CTNNA3: variants seen among roughly 807,000 people sequenced by gnomAD.
The protein encoded by CTNNA3 is catenin alpha-3.
In CTNNA3, 76 loss-of-function variants were observed where a neutral mutation model predicts 95.7. The observed-to-expected ratio is 0.79, with a 90% CI of 0.66 to 0.96. CTNNA3 has a LOEUF of 0.96. Ranked by LOEUF, CTNNA3 falls within the 40% of genes least tolerant of loss-of-function variation. CTNNA3 has a pLI of 0.00. For synonymous variants in CTNNA3, 431 were observed against 374.4 expected, an observed-to-expected ratio of 1.15 and a Z score of -1.74; for missense variants, 1,191 against 1,089.8, an observed-to-expected ratio of 1.09 and a Z score of -1.31.
chr10:66,902,390 T>C (rs1845789318), intron 7 of CTNNA3, among the ~76,000 whole-genome samples: 1 of 152,084 alleles, frequency 6.6e-6, no homozygotes, highest in Non-Finnish European at 1.5e-5. Flanking sequence ...AGTATGTAGA[T>C]GGAAATTTAT....
intron 7 of CTNNA3, among the ~76,000 whole-genome samples, chr10:66,885,913 C>A (rs1845025488): frequency 6.6e-6 from 1 of 152,144 alleles, no homozygotes; most frequent in Admixed American, 6.6e-5. Context: ...CTCTGCCCAA[C>A]TGGATAACTG....
At chr10:66,332,947 T>C (rs1293649081) in intron 12 of CTNNA3, among the ~76,000 whole-genome samples, 1 of 152,122 alleles carries the variant, frequency 6.6e-6, no homozygotes, top group African/African-American at 2.4e-5. Context: ...CTTCCTGGTT[T>C]AGTCTTGGGA....
At chr10:66,122,925 C>G (rs1272564903) in intron 13 of CTNNA3, among the ~76,000 whole-genome samples, 2 of 152,150 alleles carry the variant, frequency 1.3e-5, no homozygotes, top group Non-Finnish European at 2.9e-5. Flanking sequence ...AGGTTCCTCC[C>G]ATGACATGTG....
intron 2 of CTNNA3, among the ~76,000 whole-genome samples, chr10:67,620,556 G>A (rs191953974): frequency 5.0e-4 from 74 of 148,176 alleles, no homozygotes; most frequent in Middle Eastern, 3.4e-3. Flanking sequence ...CCAATTCCCA[G>A]TAGGTAGGAG....
chr10:65,995,382 T>C (rs2133347602), intron 15 of CTNNA3, among the ~76,000 whole-genome samples: 1 of 152,320 alleles, frequency 6.6e-6, no homozygotes, highest in African/African-American at 2.4e-5. Flanking sequence ...GTGCATGCAG[T>C]AATGTAGCCT....
intron 11 of CTNNA3, among the ~76,000 whole-genome samples, chr10:66,493,599 ATTTT>A (rs528761424): frequency 1.8e-5 from 2 of 112,046 alleles, no homozygotes; most frequent in South Asian, 3.2e-4. Context: ...TAACTACAGT[ATTTT>A]TTTTTTTTTT....
chr10:66,058,363 G>T (rs939012349), intron 15 of CTNNA3, among the ~76,000 whole-genome samples: 1 of 152,108 alleles, frequency 6.6e-6, no homozygotes. Flanking sequence ...ATGCAAGCTT[G>T]TTTCCAGTGG....
At chr10:67,239,274 C>T (rs1334490265) in intron 5 of CTNNA3, among the ~76,000 whole-genome samples, 2 of 149,996 alleles carry the variant, frequency 1.3e-5, no homozygotes, top group African/African-American at 2.5e-5. Context: ...AAGACACAGG[C>T]AAAAATGTTC....
At chr10:66,873,433 A>T (rs1844491822) in intron 7 of CTNNA3, among the ~76,000 whole-genome samples, 1 of 150,438 alleles carries the variant, frequency 6.6e-6, no homozygotes, top group African/African-American at 2.5e-5. Context: ...ATGGTGTCTC[A>T]TTGTGGTTTT....
chr10:66,434,195 C>T (rs1488418013), intron 11 of CTNNA3, among the ~76,000 whole-genome samples: 1 of 151,960 alleles, frequency 6.6e-6, no homozygotes, highest in Non-Finnish European at 1.5e-5. Flanking sequence ...TCAATGGTTG[C>T]TTAATGGGAA....
chr10:66,227,899 C>T (rs79247779), intron 13 of CTNNA3, among the ~76,000 whole-genome samples: 3,717 of 152,068 alleles, frequency 0.024, 98 homozygotes, highest in African/African-American at 0.066. Context: ...GTTCAGTCTT[C>T]GAAGGTGGAT....
At chr10:67,217,652 A>G (rs564215542) in intron 6 of CTNNA3, among the ~76,000 whole-genome samples, 10 of 152,284 alleles carry the variant, frequency 6.6e-5, no homozygotes, top group Admixed American at 3.9e-4. Context: ...ACTTTCAACT[A>G]AAAAGAGAAA....
intron 5 of CTNNA3, among the ~76,000 whole-genome samples, chr10:67,299,103 T>C (rs1425614175): frequency 1.3e-5 from 2 of 152,126 alleles, no homozygotes; most frequent in Non-Finnish European, 2.9e-5. Context: ...TTCACCATGT[T>C]GGCCAGGATG....
At chr10:66,255,069 T>G (rs1427891469) in intron 13 of CTNNA3, among the ~76,000 whole-genome samples, 1 of 152,220 alleles carries the variant, frequency 6.6e-6, no homozygotes, top group Non-Finnish European at 1.5e-5. Context: ...AAATCAACTC[T>G]GCACAGACAC....
chr10:67,751,277 G>A (rs575873032), intron 1 of CTNNA3: 67 of 1,080,052 alleles, frequency 6.2e-5, no homozygotes, highest in East Asian at 1.0e-4. Context: ...CTCTTTCTTC[G>A]CTGAAGTGTG....
intron 7 of CTNNA3, among the ~76,000 whole-genome samples, chr10:67,096,682 T>C (rs1334368665): frequency 6.6e-6 from 1 of 151,626 alleles, no homozygotes; most frequent in Non-Finnish European, 1.5e-5. Context: ...CAGGCTCCCC[T>C]TTGTCTGTAA....
chr10:66,330,541 G>A (rs1441836664), intron 12 of CTNNA3, among the ~76,000 whole-genome samples: 7 of 152,088 alleles, frequency 4.6e-5, no homozygotes, highest in Admixed American at 3.9e-4. Flanking sequence ...ACGTGTGCAT[G>A]TGTCTTTATA....
chr10:66,415,949 T>G (rs1259193730), intron 11 of CTNNA3, among the ~76,000 whole-genome samples: 3 of 152,100 alleles, frequency 2.0e-5, no homozygotes, highest in Non-Finnish European at 4.4e-5. Context: ...AGCAAGAATA[T>G]ATGACAGCTC....
chr10:67,635,182 G>C (rs987702152), intron 2 of CTNNA3, among the ~76,000 whole-genome samples: 12 of 151,962 alleles, frequency 7.9e-5, no homozygotes, highest in Non-Finnish European at 1.5e-4. Context: ...GCAATAAATA[G>C]CCTACCAACC....
Sources: gnomAD v4.1 joint callset for allele counts (sites outside exome capture counted in the v4.1 genomes callset) on GRCh38, gnomAD v4.1.1 for gene constraint, MANE v1.5 for transcripts, NCBI Gene and HGNC (gene_info 2026-07-23, HGNC 2026-07-21) for gene names.